Variants in DNAH7 observed in about 807,000 individuals in gnomAD.
DNAH7 encodes axonemal beta dynein heavy chain 7.
Under a neutral mutation model 444.6 loss-of-function variants are expected in DNAH7, and 397 were observed. The observed-to-expected ratio is 0.89, with a 90% CI of 0.82 to 0.97. The LOEUF (loss-of-function observed/expected upper bound fraction) is 0.97, where lower values mean the gene tolerates loss of function less well. Among genes scored for constraint, DNAH7 ranks in the 50% least tolerant of loss-of-function variants. The pLI, the probability that DNAH7 is intolerant of heterozygous loss-of-function variation, is 0.00. For synonymous variants in DNAH7, 1,636 were observed against 1,624.4 expected, an observed-to-expected ratio of 1.01 and a Z score of -0.17; for missense variants, 4,902 against 4,800.8, an observed-to-expected ratio of 1.02 and a Z score of -0.62.
rs548590448 is a variant in DNAH7 at position 195,745,599 on chromosome 2, C to T, written c.11765-4730G>A. 1.1e-3 allele frequency among the ~76,000 whole-genome samples: 166 copies of T among 152,292 alleles called. 2 individuals carry two copies. In the South Asian group the frequency reaches 0.033, roughly 30 times the overall value. On this transcript the variant is annotated intron_variant, in intron 63 of 64. Transcript: ENST00000312428. The stretch of plus-strand genomic sequence containing the variant: ...TGAAGGAAAAAATCTTAAGGGCAGC[C>T]AGAGACAAAGGTCGGGTTACCCACA...
At chr2:195,790,315 A>G (rs1056540287) in intron 57 of DNAH7, among the ~76,000 whole-genome samples, 3 of 152,188 alleles carry the variant, frequency 2.0e-5, no homozygotes, top group Non-Finnish European at 4.4e-5. Context: ...ACAGAATTAG[A>G]AAAAATTAAT....
At chr2:195,860,776 T>G (rs1296907955) in intron 42 of DNAH7, among the ~76,000 whole-genome samples, 1 of 152,228 alleles carries the variant, frequency 6.6e-6, no homozygotes, top group Non-Finnish European at 1.5e-5. Context: ...TGTTGTTTTA[T>G]GTATTCTTTT....
intron 10 of DNAH7, among the ~76,000 whole-genome samples, chr2:196,004,508 T>C (rs1418631969): frequency 6.6e-6 from 1 of 152,168 alleles, no homozygotes; most frequent in Admixed American, 6.5e-5. Context: ...AACACATTTC[T>C]AAATGGCCTA....
intron 5 of DNAH7, among the ~76,000 whole-genome samples, chr2:196,039,963 T>C (rs1292558993): frequency 6.6e-6 from 1 of 151,946 alleles, no homozygotes; most frequent in African/African-American, 2.4e-5. Flanking sequence ...CCTAGACACA[T>C]ATAACCTACC....
In DNAH7 at chr2:196,026,850, G is replaced by C. The variant is rs753983388; in HGVS notation, c.577C>G (p.Pro193Ala). The C allele has an allele frequency of 1.2e-5, 20 of 1,612,108 alleles. No individual in the cohort carries two copies. The highest frequency in any genetic ancestry group is 1.7e-5 in the Non-Finnish European group (20 of 1,178,690). The change falls in exon 7 of 65, where the codon CCA (proline) becomes GCA (alanine). Residue 193 changes from proline (P) to alanine (A), a missense_variant. Physicochemically the swap from Pro to Ala is conservative, Grantham distance 27. Transcript: ENST00000312428. Reference sequence around the variant, plus strand: ...TCAGTGAAGACTTTCAGATGTTGTGGAACTAAATCCAGTACGTGTTCTAGC... The same window carrying C: ...TCAGTGAAGACTTTCAGATGTTGTGCAACTAAATCCAGTACGTGTTCTAGC... ...SWLEHVLDLV[P>A]QHLKVFTDSI...
chr2:196,010,253 G>A (rs1238932104), intron 10 of DNAH7, among the ~76,000 whole-genome samples: 3 of 151,502 alleles, frequency 2.0e-5, no homozygotes, highest in African/African-American at 7.3e-5. Context: ...AGGTTCAAGC[G>A]ATTCTTCCAC....
intron 13 of DNAH7, 129 bp downstream of exon 13, chr2:195,987,827 GA>G: frequency 2.2e-6 from 2 of 919,118 alleles, no homozygotes; most frequent in South Asian, 3.7e-5. Context: ...GGACACATCA[GA>G]AGCTCAATAA....
chr2:195,759,166 G>C (rs1485185177), intron 61 of DNAH7, among the ~76,000 whole-genome samples: 1 of 152,178 alleles, frequency 6.6e-6, no homozygotes, highest in African/African-American at 2.4e-5. Flanking sequence ...AGAGGGAAGA[G>C]TAAAGAGGAC....
intron 2 of DNAH7, 24 bp from the exon 3 acceptor site, chr2:196,051,273 A>G (rs1222391539): frequency 6.2e-7 from 1 of 1,603,286 alleles, no homozygotes; most frequent in Non-Finnish European, 8.5e-7. Context: ...ATGAAGGGGA[A>G]AAAAGTGTTT....
intron 19 of DNAH7, among the ~76,000 whole-genome samples, chr2:195,947,605 C>T (rs550070730): frequency 6.6e-6 from 1 of 152,134 alleles, no homozygotes; most frequent in African/African-American, 2.4e-5. Flanking sequence ...CATTCATGTC[C>T]CTGTAAAGGA....
At chr2:196,034,956 G>C (rs1486715460) in intron 5 of DNAH7, among the ~76,000 whole-genome samples, 1 of 152,160 alleles carries the variant, frequency 6.6e-6, no homozygotes, top group East Asian at 1.9e-4. Context: ...CGAGGCAAGT[G>C]GATCACCCGA....
intron 28 of DNAH7, among the ~76,000 whole-genome samples, chr2:195,898,610 G>A (rs1686491716): frequency 1.3e-5 from 2 of 152,132 alleles, no homozygotes; most frequent in African/African-American, 2.4e-5. Context: ...CAAGCAAACC[G>A]GCTCTGAGTA....
chr2:195,897,823 G>A (rs996360108), intron 28 of DNAH7, 58 bp from the exon 29 acceptor site: 24 of 994,358 alleles, frequency 2.4e-5, no homozygotes, highest in Admixed American at 1.9e-4. Flanking sequence ...GCACCTACCC[G>A]CTTCGTGTTC....
In DNAH7 at chr2:195,895,046, C is replaced by T. The variant is rs754750283; in HGVS notation, c.4826G>A (p.Gly1609Glu). The T allele has an allele frequency of 6.2e-7, 1 of 1,613,430 alleles. No homozygotes were observed. The highest frequency in any genetic ancestry group is 1.1e-5 in the South Asian group (1 of 90,974). ...ACTAGTTTTTCCTCCAAATGGTTCT[C>T]CAACAATCATAAAACCATGACGCAC... ...MIVRHGFMIV[G>E]EPFGGKTSAY... Residue 1609 changes from glycine to glutamate, a missense_variant, in exon 30 of 65, where the codon GGA (glycine) becomes GAA (glutamate). Transcript: ENST00000312428.
At chr2:195,800,724 A>C (rs1213648061) in intron 54 of DNAH7, among the ~76,000 whole-genome samples, 1 of 152,204 alleles carries the variant, frequency 6.6e-6, no homozygotes, top group Non-Finnish European at 1.5e-5. Context: ...ACAGAAATTG[A>C]AACAATGTTG....
rs1693055534 is a variant in DNAH7, at chr2:195,988,207, G to A, written c.1376C>T (p.Thr459Ile). The change falls in exon 13 of 65, where the codon ACC becomes ATC. Residue 459 changes from threonine to isoleucine, a missense_variant. By Grantham distance (89) the Thr-to-Ile change is moderately conservative. Transcript: ENST00000312428. The part of the protein sequence containing the change: ...SKWESKSKPT[T>I]LKPIILNEIV... ...TTCATTCAGAATTATGGGCTTCAAG[G>A]TTGTTGGTTTAGACTTACTTTCCTA... 18 of 1,607,776 alleles carry A rather than the reference G, an allele frequency of 1.1e-5. No homozygotes were observed. Among genetic ancestry groups the A allele is most frequent in the Non-Finnish European group, 1.5e-5 (18 of 1,178,138 alleles).
intron 62 of DNAH7, among the ~76,000 whole-genome samples, chr2:195,755,672 A>C (rs2105911097): frequency 6.6e-6 from 1 of 152,356 alleles, no homozygotes; most frequent in Admixed American, 6.5e-5. Context: ...GTTGTTAATA[A>C]GAACATAGTT....
At chr2:195,993,026 G>C (rs973383995) in intron 12 of DNAH7, among the ~76,000 whole-genome samples, 1 of 152,176 alleles carries the variant, frequency 6.6e-6, no homozygotes, top group Non-Finnish European at 1.5e-5. Flanking sequence ...TCTCCCTAGA[G>C]GCCTCTCCAC....
Position 195,960,571 on chromosome 2 carries a change from A to C in DNAH7, c.2580T>G (p.Ile860Met), listed in dbSNP as rs778965089. 6 of 1,614,222 alleles carry C rather than the reference A, an allele frequency of 3.7e-6. No individual in the cohort carries two copies. The African/African-American group carries it at 5.3e-5, about 14-fold the overall frequency. Reference sequence around the variant, plus strand: ...CTGATGGCTGCAAAGGGTAACCAACAATGGCAGACATGGCCTCCCAGTGCC... The same window carrying C: ...CTGATGGCTGCAAAGGGTAACCAACCATGGCAGACATGGCCTCCCAGTGCC... Reference protein sequence around the residue: ...RPRHWEAMSAIVGYPLQPSDD... With the variant: ...RPRHWEAMSAMVGYPLQPSDD... The change falls in exon 18 of 65, where the codon ATT becomes ATG. Residue 860 changes from isoleucine (I) to methionine (M), a missense_variant. Ile to Met is a conservative substitution (Grantham distance 10). Coordinates refer to ENST00000312428, the MANE Select transcript of DNAH7 (RefSeq NM_018897.3).
Sources: allele counts gnomAD v4.1 joint callset (sites outside exome capture counted in the v4.1 genomes callset), GRCh38; gene constraint gnomAD v4.1.1; transcripts MANE v1.5; gene names NCBI Gene and HGNC (gene_info 2026-07-23, HGNC 2026-07-21).